Variants in ZCCHC4 observed in about 807,000 individuals in gnomAD.
ZCCHC4 encodes the protein rRNA N(6)-adenosine-methyltransferase ZCCHC4.
ZCCHC4 carries 54 observed loss-of-function variants against 67.7 expected under a neutral mutation model. The ratio of observed to expected loss-of-function variants is 0.80; its 90% CI spans 0.64 to 1.00. The LOEUF (loss-of-function observed/expected upper bound fraction) is 1.00, where lower values mean the gene tolerates loss of function less well. Ranked by LOEUF, ZCCHC4 falls within the 50% of genes least tolerant of loss-of-function variation. The pLI is 0.00. For synonymous variants in ZCCHC4, 198 were observed against 213.5 expected, an observed-to-expected ratio of 0.93 and a Z score of 0.63; for missense variants, 609 against 617.0, an observed-to-expected ratio of 0.99 and a Z score of 0.14.
At position 25,369,285 on chromosome 4, in the gene ZCCHC4, TA is replaced by T. The variant is rs1329252225; in HGVS notation, c.*123del. ...GAGGTGTGCACCTTTCTGAGCTAGA[TA>T]ACAGGCAGGTGGCATTTGCTGGTTT... is the stretch of plus-strand genomic sequence containing the variant. On this transcript the variant is annotated 3_prime_UTR_variant, in exon 13 of 13. Coordinates refer to ENST00000302874, the MANE Select transcript of ZCCHC4 (RefSeq NM_024936.3). 1.0e-5 allele frequency: 14 copies of T among 1,402,286 alleles called. No homozygotes were observed. Among genetic ancestry groups the T allele is most frequent in the Non-Finnish European group, 1.4e-5 (14 of 1,027,324 alleles). 86.9% of individuals were successfully genotyped at this position (1,402,286 alleles called of 1,614,324 possible). A position where few individuals can be genotyped will look rare whatever the true frequency, so the allele number is the denominator to read the frequency against.
At chr4:25,363,968 C>T (rs1256725979) in intron 10 of ZCCHC4, among the ~76,000 whole-genome samples, 3 of 152,152 alleles carry the variant, frequency 2.0e-5, no homozygotes, top group Non-Finnish European at 4.4e-5. Flanking sequence ...CTTTACAATA[C>T]TCATTAAATT....
intron 5 of ZCCHC4, among the ~76,000 whole-genome samples, chr4:25,336,006 G>A (rs1482954253): frequency 1.3e-5 from 2 of 152,018 alleles, no homozygotes; most frequent in East Asian, 1.9e-4. Flanking sequence ...AGATAAACTC[G>A]ATTTATTTTT....
At chr4:25,342,655 G>C (rs1719811225) in intron 5 of ZCCHC4, among the ~76,000 whole-genome samples, 1 of 152,082 alleles carries the variant, frequency 6.6e-6, no homozygotes, top group South Asian at 2.1e-4. Flanking sequence ...AGAATGAATG[G>C]CCAGATGAAT....
chr4:25,349,495 G>A lies in ZCCHC4; in HGVS notation c.763G>A (p.Ala255Thr). Residue 255 changes from alanine to threonine, a missense_variant, in exon 7 of 13, where the codon GCC becomes ACC. Physicochemically the swap from Ala to Thr is moderately conservative, Grantham distance 58. Coordinates refer to ENST00000302874, the MANE Select transcript of ZCCHC4 (RefSeq NM_024936.3). ...FNHHFFDGKT[A>T]LEVCRAFLQE... ...AATGAATTTTTATTTGTTCCAGACT[G>A]CCCTTGAAGTATGCAGAGCATTTTT... The A allele has an allele frequency of 6.2e-7, 1 of 1,613,528 alleles. No homozygotes were observed. Among genetic ancestry groups the A allele is most frequent in the Non-Finnish European group, 8.5e-7 (1 of 1,179,704 alleles).
At position 25,313,742 on chromosome 4, in the gene ZCCHC4, TGTA is replaced by T. The variant is rs1231015595; in HGVS notation, c.128-301_128-299del. On this transcript the variant is annotated intron_variant, in intron 1 of 12. Coordinates refer to ENST00000302874, the MANE Select transcript of ZCCHC4 (RefSeq NM_024936.3). ...AGAAAAACAGCTGGGGACACGCAACTGTAGTCCCAGCTACTCGGGATGCTGAGG... is the reference window on the plus strand; with the variant it reads ...AGAAAAACAGCTGGGGACACGCAACTGTCCCAGCTACTCGGGATGCTGAGG... Among the ~76,000 whole-genome samples, 3 of 152,068 alleles carry T rather than the reference TGTA, an allele frequency of 2.0e-5. No individual in the cohort carries two copies. The East Asian group carries it at 5.8e-4, about 29-fold the overall frequency.
At chr4:25,352,762 C>T (rs954070788) in intron 8 of ZCCHC4, among the ~76,000 whole-genome samples, 1 of 152,192 alleles carries the variant, frequency 6.6e-6, no homozygotes, top group Admixed American at 6.5e-5. Flanking sequence ...TCTGAATAAT[C>T]GACTAGCCCC....
At chr4:25,318,019 A>G (rs968317739) in intron 3 of ZCCHC4, among the ~76,000 whole-genome samples, 3 of 152,222 alleles carry the variant, frequency 2.0e-5, no homozygotes, top group African/African-American at 4.8e-5. Context: ...GAGATTTATC[A>G]TAGTGATTAT....
intron 5 of ZCCHC4, among the ~76,000 whole-genome samples, chr4:25,337,602 T>A (rs1180014374): frequency 6.6e-6 from 1 of 152,104 alleles, no homozygotes; most frequent in African/African-American, 2.4e-5. Flanking sequence ...TCACACAGAG[T>A]TGGTTCTCCA....
intron 3 of ZCCHC4, among the ~76,000 whole-genome samples, chr4:25,325,464 A>G (rs888219667): frequency 6.6e-6 from 1 of 151,812 alleles, no homozygotes; most frequent in African/African-American, 2.4e-5. Flanking sequence ...GTGTTTCACC[A>G]TGTTGGCCAG....
At position 25,352,430 on chromosome 4, in the gene ZCCHC4, A is replaced by G. The variant is rs1471590096; in HGVS notation, c.1011+741A>G. On this transcript the variant is annotated intron_variant, in intron 8 of 12. Transcript: ENST00000302874. ...GTACTGCTTCTTTTTTTTTTTTGAG[A>G]CAGAGTCTCACTCTGTCACCCAGTC... The G allele has an allele frequency of 5.1e-6, 5 of 976,412 alleles. No homozygotes were observed. In the African/African-American group the frequency reaches 8.9e-5, roughly 17 times the overall value. The allele number at this position is 976,412 out of a possible 1,614,324, so 60.5% of individuals were successfully genotyped here.
chr4:25,367,694 T>C (rs1304558291), intron 12 of ZCCHC4, among the ~76,000 whole-genome samples: 1 of 152,198 alleles, frequency 6.6e-6, no homozygotes, highest in Non-Finnish European at 1.5e-5. Flanking sequence ...TGTAGACTGT[T>C]CTATTTTGAA....
At chr4:25,334,009 A>G in intron 5 of ZCCHC4, 21 bp downstream of exon 5, 1 of 1,434,400 alleles carries the variant, frequency 7.0e-7, no homozygotes, top group Middle Eastern at 1.9e-4. Flanking sequence ...AAAATACAGT[A>G]TTTCCTTTCA....
intron 3 of ZCCHC4, among the ~76,000 whole-genome samples, chr4:25,322,839 G>A (rs1331872086): frequency 6.6e-6 from 1 of 152,084 alleles, no homozygotes; most frequent in African/African-American, 2.4e-5. Context: ...CTTTGAAAGG[G>A]TGAATTTTAT....
chr4:25,339,642 T>G (rs1281623568), intron 5 of ZCCHC4, among the ~76,000 whole-genome samples: 2 of 152,220 alleles, frequency 1.3e-5, no homozygotes. Flanking sequence ...CTTAATATAT[T>G]CTGGATACTA....
At chr4:25,360,253 T>C (rs1560416267) in intron 8 of ZCCHC4, among the ~76,000 whole-genome samples, 2 of 152,248 alleles carry the variant, frequency 1.3e-5, no homozygotes. Context: ...TTGCCTAGAA[T>C]TAAGATGGTG....
intron 5 of ZCCHC4, among the ~76,000 whole-genome samples, chr4:25,338,624 A>AT (rs1325835826): frequency 6.6e-6 from 1 of 152,104 alleles, no homozygotes; most frequent in Non-Finnish European, 1.5e-5. Flanking sequence ...TATTCTAGAT[A>AT]TTTTTTATAT....
At chr4:25,348,898 T>C (rs996744601) in intron 6 of ZCCHC4, among the ~76,000 whole-genome samples, 2 of 152,202 alleles carry the variant, frequency 1.3e-5, no homozygotes, top group African/African-American at 4.8e-5. Context: ...AAATTAACCT[T>C]TGGGAAAATG....
chr4:25,360,796 G>A (rs1273809908), intron 8 of ZCCHC4, among the ~76,000 whole-genome samples: 1 of 152,170 alleles, frequency 6.6e-6, no homozygotes, highest in African/African-American at 2.4e-5. Context: ...CCACATTCCT[G>A]ATGGGGGGGC....
Position 25,345,638 on chromosome 4 carries a change from T to C in ZCCHC4, c.759+18T>C. ...ATGGAAAGGTAAGAGCTGTGACCATTATCTCATTGTTCTCTTATTGTGGAA... is the reference window on the plus strand; with the variant it reads ...ATGGAAAGGTAAGAGCTGTGACCATCATCTCATTGTTCTCTTATTGTGGAA... On this transcript the variant is annotated intron_variant, in intron 6 of 12. Transcript: ENST00000302874. The C allele has an allele frequency of 1.3e-6, 2 of 1,486,394 alleles. No homozygotes were observed. Among genetic ancestry groups the C allele is most frequent in the Middle Eastern group, 1.7e-4 (1 of 5,810 alleles). The allele number at this position is 1,486,394 out of a possible 1,614,324, so 92.1% of individuals were successfully genotyped here. A position where few individuals can be genotyped will look rare whatever the true frequency, so the allele number is the denominator to read the frequency against.
Sources: allele counts gnomAD v4.1 joint callset (sites outside exome capture counted in the v4.1 genomes callset), GRCh38; gene constraint gnomAD v4.1.1; transcripts MANE v1.5; gene names NCBI Gene and HGNC (gene_info 2026-07-23, HGNC 2026-07-21).